GPI: variants seen among roughly 807,000 people sequenced by gnomAD.
GPI encodes the protein glucose-6-phosphate isomerase, also known as D-hexose-6-phosphate anomerase.
GPI carries 56 observed loss-of-function variants against 75.8 expected under a neutral mutation model. The observed-to-expected ratio is 0.74, with a 90% CI of 0.60 to 0.92. The LOEUF (loss-of-function observed/expected upper bound fraction) is 0.92. GPI is among the 40% of genes least tolerant of loss of function. The probability of loss-of-function intolerance (pLI) is 0.00; values close to 1 mark genes in which losing one functional copy is unlikely to be tolerated. For synonymous variants in GPI, 288 were observed against 285.4 expected, an observed-to-expected ratio of 1.01 and a Z score of -0.09; for missense variants, 638 against 741.0, an observed-to-expected ratio of 0.86 and a Z score of 1.61.
In GPI at chr19:34,393,345, G is replaced by C. The variant is rs756762446; in HGVS notation, c.865+37G>C. 4.5e-6 allele frequency: 7 copies of C among 1,543,376 alleles called. No individual in the cohort carries two copies. The stretch of plus-strand genomic sequence containing the variant: ...TCTGTGTCTTGCAGCCCCTGTGGGA[G>C]ACAGTGTTGCAGTCTAAGGTCGGGG... On this transcript the variant is annotated intron_variant, in intron 10 of 17. Transcript: ENST00000356487. The surrounding 1 kb of genome is among the most constrained non-coding windows in gnomAD (Gnocchi z 4.4).
At position 34,393,734 on chromosome 19, in the gene GPI, A is replaced by G; in HGVS notation, c.872A>G (p.Asp291Gly). ...GLSIALHVGFDNFEQLLSGAH... is the reference protein window; with the variant it reads ...GLSIALHVGFGNFEQLLSGAH... ...CTCTGCTTTTGTGTCACAGGTTTTGACAACTTCGAGCAGCTGCTCTCGGGG... is the reference window on the plus strand; with the variant it reads ...CTCTGCTTTTGTGTCACAGGTTTTGGCAACTTCGAGCAGCTGCTCTCGGGG... The change falls in exon 11 of 18, where the codon GAC becomes GGC. Residue 291 changes from aspartate to glycine, a missense_variant. Physicochemically the swap from Asp to Gly is moderately conservative, Grantham distance 94 (BLOSUM62 -1). Coordinates refer to ENST00000356487, the MANE Select transcript of GPI (RefSeq NM_000175.5). This position sits in a 1 kb window ranked among gnomAD's most constrained non-coding sequence, Gnocchi z 4.4. 6.2e-7 allele frequency: 1 copy of G among 1,613,046 alleles called. No individual in the cohort carries two copies. The highest frequency in any genetic ancestry group is 1.3e-5 in the African/African-American group (1 of 74,788).
chr19:34,362,116 A>G (rs1351586811), upstream of GPI, among the ~76,000 whole-genome samples: 1 of 71,974 alleles, frequency 1.4e-5, no homozygotes, highest in Non-Finnish European at 2.2e-5. Flanking sequence ...TCCATCTCAA[A>G]AAAAAAAAAA....
At chr19:34,369,071 T>TG (rs2074411148) in intron 4 of GPI, among the ~76,000 whole-genome samples, 1 of 150,582 alleles carries the variant, frequency 6.6e-6, no homozygotes. Context: ...TTTTTTGAGA[T>TG]GGAGTCTCAC....
chr19:34,398,279 T>A (rs1426045140), intron 14 of GPI: 5 of 152,142 alleles, frequency 3.3e-5, no homozygotes, highest in Admixed American at 3.3e-4. Flanking sequence ...GCCCTCGAAC[T>A]CCTTCAGAGA....
At chr19:34,359,785 C>A (rs985744997), upstream of GPI, 5 of 152,652 alleles carry the variant, frequency 3.3e-5, no homozygotes, top group African/African-American at 1.2e-4. Flanking sequence ...GCCTGCCTGA[C>A]CCCTGTCCAG....
At position 34,368,597 on chromosome 19, in the gene GPI, G is replaced by T. The variant is rs1215757056; in HGVS notation, c.297G>T (p.Leu99=). The change falls in exon 4 of 18, where the codon CTG becomes CTT. Residue 99 remains leucine (L), a synonymous_variant. Transcript: ENST00000356487. ...GTAATCCCCAGGGTCGAGCCGTGCTGCACGTGGCTCTGCGGAACCGGTCAA... is the reference window on the plus strand; with the variant it reads ...GTAATCCCCAGGGTCGAGCCGTGCTTCACGTGGCTCTGCGGAACCGGTCAA... The part of the protein sequence containing the change: ...KINYTEGRAV[L]HVALRNRSNT... The T allele has an allele frequency of 6.2e-7, 1 of 1,614,044 alleles. No homozygotes were observed. Among genetic ancestry groups the T allele is most frequent in the Non-Finnish European group, 8.5e-7 (1 of 1,179,996 alleles).
intron 6 of GPI, among the ~76,000 whole-genome samples, 158 bp downstream of exon 6, chr19:34,378,039 C>A (rs1003951846): frequency 3.3e-5 from 5 of 152,216 alleles, no homozygotes; most frequent in African/African-American, 1.2e-4. Context: ...TAGACTGTTT[C>A]CATGCCTAGC....
In GPI at chr19:34,396,633, C is replaced by T. The variant is rs752133252; in HGVS notation, c.1245C>T (p.Pro415=). 1.9e-6 allele frequency: 3 copies of T among 1,614,178 alleles called. No homozygotes were observed. Among genetic ancestry groups the T allele is most frequent in the Admixed American group, 1.7e-5 (1 of 60,032 alleles). ...DFLIPVQTQH[P]IRKGLHHKIL... is the part of the protein sequence containing the mutation. ...TCATCCCGGTCCAGACCCAGCACCC[C>T]ATACGGAAGGGTCTGCATCACAAGG... Residue 415 remains proline (P), a synonymous_variant, in exon 14 of 18, where the codon CCC becomes CCT. Coordinates refer to ENST00000356487, the MANE Select transcript of GPI (RefSeq NM_000175.5).
rs766737219 is a variant in GPI at position 34,399,343 on chromosome 19, C to A, written c.1398+8C>A. The A allele has an allele frequency of 6.2e-7, 1 of 1,614,080 alleles. No homozygotes were observed. Among genetic ancestry groups the A allele is most frequent in the South Asian group, 1.1e-5 (1 of 91,022 alleles). ...AGGCTGCTGCCACATAAGGTCAGCA[C>A]TTCTGCATTTGGCTTTGGGGTGCAT... is the stretch of plus-strand genomic sequence containing the variant. On this transcript the variant is annotated splice_region_variant and intron_variant, in intron 15 of 17. Transcript: ENST00000356487.
At position 34,365,212 on chromosome 19, in the gene GPI, C is replaced by G. The variant is rs1409919953; in HGVS notation, c.-55C>G. The G allele has an allele frequency of 3.5e-6, 5 of 1,414,038 alleles. No individual in the cohort carries two copies. The highest frequency in any genetic ancestry group is 2.3e-5 in the Admixed American group (1 of 42,716). The allele number at this position is 1,414,038 out of a possible 1,614,324, so 87.6% of individuals were successfully genotyped here. On this transcript the variant is annotated 5_prime_UTR_variant, in exon 1 of 18. Coordinates refer to ENST00000356487, the MANE Select transcript of GPI (RefSeq NM_000175.5). ...ACGCGCCTCGCTTGCTGCGCGCTGC[C>G]GGCGCTCCTTCCTCCTCGGCTCGCG... is the stretch of plus-strand genomic sequence containing the variant.
chr19:34,387,122 A>C (rs765339181), intron 9 of GPI, among the ~76,000 whole-genome samples: 1 of 152,210 alleles, frequency 6.6e-6, no homozygotes, highest in Non-Finnish European at 1.5e-5. Context: ...CTGTCAGTCA[A>C]GGTGTGAGGG....
At chr19:34,390,152 T>C (rs557889261) in intron 9 of GPI, among the ~76,000 whole-genome samples, 10 of 151,572 alleles carry the variant, frequency 6.6e-5, no homozygotes, top group African/African-American at 2.4e-4. Flanking sequence ...AGGTACAAAG[T>C]GATGAGTCTT....
rs1264780172 is a variant in GPI at position 34,385,052 on chromosome 19, A to G, written c.804+3533A>G. On this transcript the variant is annotated intron_variant, in intron 9 of 17. Transcript: ENST00000356487. The stretch of plus-strand genomic sequence containing the variant: ...ATCTCCAAAAAAAAAAAAAAAAAAA[A>G]GCGGGGGTTGGGTGTGGTGGCTCAT... Among the ~76,000 whole-genome samples, 14 of 149,942 alleles carry G rather than the reference A, an allele frequency of 9.3e-5. No homozygotes were observed. In the South Asian group the frequency reaches 1.1e-3, roughly 11 times the overall value.
Position 34,379,522 on chromosome 19 carries a change from C to T in GPI, c.710C>T (p.Ser237Phe), listed in dbSNP as rs1310047406. The T allele has an allele frequency of 5.0e-6, 8 of 1,614,074 alleles. No individual in the cohort carries two copies. Among genetic ancestry groups the T allele is most frequent in the South Asian group, 1.1e-5 (1 of 91,080 alleles). The change falls in exon 8 of 18, where the codon TCT becomes TTT. Residue 237 changes from serine (S) to phenylalanine (F), a missense_variant. Physicochemically the swap from Ser to Phe is radical, Grantham distance 155. Transcript: ENST00000356487. ...EWFLQAAKDP[S>F]AVAKHFVALS... ...ACTTGGCTCTGTCTCTTGTAGCCTT[C>T]TGCAGTGGCGAAGCACTTTGTTGCC...
rs2074896900 is a variant in GPI, at chr19:34,393,499, G to A, written c.865+191G>A. 5.6e-6 allele frequency: 4 copies of A among 720,560 alleles called. No homozygotes were observed. The highest frequency in any genetic ancestry group is 2.7e-5 in the East Asian group (1 of 37,286). 44.6% of individuals were successfully genotyped at this position (720,560 alleles called of 1,614,324 possible). Reference sequence around the variant, plus strand: ...TTTTTGCGTGTGCAAGTTGGCCCCCGTCTTTGCCCCTCACAACTGCAGTCC... The same window carrying A: ...TTTTTGCGTGTGCAAGTTGGCCCCCATCTTTGCCCCTCACAACTGCAGTCC... On this transcript the variant is annotated intron_variant, in intron 10 of 17. Coordinates refer to ENST00000356487, the MANE Select transcript of GPI (RefSeq NM_000175.5). This position sits in a 1 kb window ranked among gnomAD's most constrained non-coding sequence, Gnocchi z 4.4.
At chr19:34,365,921 T>TG (rs998092180) in intron 1 of GPI, 5 of 479,608 alleles carry the variant, frequency 1.0e-5, no homozygotes, top group African/African-American at 9.8e-5. Context: ...GAGCAAATCA[T>TG]GGGCGGGAGT....
intron 8 of GPI, 54 bp downstream of exon 8, chr19:34,379,616 C>T (rs970657583): frequency 1.3e-5 from 18 of 1,393,206 alleles, no homozygotes; most frequent in Admixed American, 8.4e-5. Flanking sequence ...CCAGCATGTC[C>T]AGGTCATGGC....
chr19:34,377,947 C>T (rs1568334135), intron 6 of GPI, 66 bp downstream of exon 6: 2 of 1,547,870 alleles, frequency 1.3e-6, no homozygotes, highest in South Asian at 2.2e-5. Flanking sequence ...GGACAGCTGT[C>T]TTGCCATCCC....
rs2074367806 is a variant in GPI, at chr19:34,366,501, G to C, written c.213+66G>C. 2.8e-5 allele frequency: 30 copies of C among 1,061,174 alleles called. No homozygotes were observed. The South Asian group carries it at 3.5e-4, about 12-fold the overall frequency. 65.7% of individuals were successfully genotyped at this position (1,061,174 alleles called of 1,614,324 possible). A position where few individuals can be genotyped will look rare whatever the true frequency, so the allele number is the denominator to read the frequency against. On this transcript the variant is annotated intron_variant, in intron 2 of 17. Coordinates refer to ENST00000356487, the MANE Select transcript of GPI (RefSeq NM_000175.5). ...AGTGGTGGGTGAGCTGGGCTCCTGG[G>C]AGTCCCCAGGACCTTGAGTATCTTG...
Sources: gnomAD v4.1 joint callset for allele counts (sites outside exome capture counted in the v4.1 genomes callset) on GRCh38, gnomAD v4.1.1 for gene constraint, Gnocchi (gnomAD v3.1) non-coding constraint, MANE v1.5 for transcripts, NCBI Gene and HGNC (gene_info 2026-07-23, HGNC 2026-07-21) for gene names.